The following PCDHA6 variants were observed in gnomAD, a reference collection of about 807,000 sequenced individuals.
PCDHA6 encodes protocadherin alpha-6.
In PCDHA6, 55 loss-of-function variants were observed where a neutral mutation model predicts 60.3. The ratio of observed to expected loss-of-function variants is 0.91; its 90% CI spans 0.73 to 1.14. The LOEUF (loss-of-function observed/expected upper bound fraction) is 1.14. PCDHA6 is among the 50% of genes most tolerant of loss of function. The pLI is 0.00. For synonymous variants in PCDHA6, 652 were observed against 557.9 expected (o/e 1.17, Z -2.38); for missense variants, 1,327 against 1,256.5 (o/e 1.06, Z -0.85).
In PCDHA6 at chr5:140,842,710, C is replaced by T. The variant is rs2150342683; in HGVS notation, c.2394+12225C>T. On this transcript the variant is annotated intron_variant, in intron 1 of 3. Coordinates refer to ENST00000529310, the MANE Select transcript of PCDHA6 (RefSeq NM_018909.4). ...TCGCGCAGCCCGAGTACACGGTGTT[C>T]GTGAAGGAGAACAACCCGCCGGGCT... The T allele has an allele frequency of 1.4e-5, 23 of 1,595,008 alleles. 3 individuals carry two copies. The Admixed American group carries it at 3.2e-4, about 22-fold the overall frequency.
chr5:140,882,391 C>T, intron 1 of PCDHA6: 2 of 1,614,214 alleles, frequency 1.2e-6, no homozygotes, highest in Non-Finnish European at 8.5e-7. Context: ...AAGCAAAACA[C>T]GGCACCTTCG....
At chr5:140,973,272 TC>T (rs1412629943) in intron 1 of PCDHA6, among the ~76,000 whole-genome samples, 1 of 152,134 alleles carries the variant, frequency 6.6e-6, no homozygotes, top group African/African-American at 2.4e-5. Flanking sequence ...TACTTTTATT[TC>T]CCCCAGCACT....
intron 1 of PCDHA6, chr5:140,843,920 A>G (rs1365256690): frequency 1.6e-6 from 1 of 607,552 alleles, no homozygotes; most frequent in Non-Finnish European, 2.8e-6. Context: ...GTCTATCTTG[A>G]AACTCAAGTT....
chr5:140,871,103 C>T lies in PCDHA6; in HGVS notation c.2394+40618C>T, dbSNP rs202137231. On this transcript the variant is annotated intron_variant, in intron 1 of 3. Coordinates refer to ENST00000529310, the MANE Select transcript of PCDHA6 (RefSeq NM_018909.4). Reference sequence around the variant, plus strand: ...ACGGCCACGGCCACCGTGCTGGTGTCGTTGGTGGAGAGCGGACAGGCGCCA... The same window carrying T: ...ACGGCCACGGCCACCGTGCTGGTGTTGTTGGTGGAGAGCGGACAGGCGCCA... 4 of 1,613,290 alleles carry T rather than the reference C, an allele frequency of 2.5e-6. No individual in the cohort carries two copies. The Admixed American group carries it at 5.0e-5, about 20-fold the overall frequency.
At chr5:140,967,820 C>A (rs1162525542) in intron 1 of PCDHA6, 29 of 1,614,052 alleles carry the variant, frequency 1.8e-5, no homozygotes, top group Non-Finnish European at 2.5e-5. Context: ...CTGCAAGGTG[C>A]TGGTGGACAT....
At chr5:140,869,355 G>A (rs782391359) in intron 1 of PCDHA6, 19 of 1,614,012 alleles carry the variant, frequency 1.2e-5, no homozygotes, top group Admixed American at 1.7e-5. Context: ...ATGGCATTTT[G>A]TTTGTGAATT....
Position 140,830,084 on chromosome 5 carries a change from GT to G in PCDHA6, c.1995del (p.Leu666TrpfsTer35). 1 of 1,613,714 alleles carries G rather than the reference GT, an allele frequency of 6.2e-7. No individual in the cohort carries two copies. The highest frequency in any genetic ancestry group is 8.5e-7 in the Non-Finnish European group (1 of 1,179,884). ...GEPALTATAT[V>X]LVSLVESGQA... ...GCCGGCGCTGACAGCGACGGCCACGGTTCTGGTGTCGCTGGTGGAGAGTGGC... is the reference window on the plus strand; with the variant it reads ...GCCGGCGCTGACAGCGACGGCCACGGTCTGGTGTCGCTGGTGGAGAGTGGC... On this transcript the variant is annotated frameshift_variant, in exon 1 of 4. Coordinates refer to ENST00000529310, the MANE Select transcript of PCDHA6 (RefSeq NM_018909.4). LOFTEE classifies it high-confidence loss of function.
At chr5:140,850,389 A>T in intron 1 of PCDHA6, 1 of 1,597,864 alleles carries the variant, frequency 6.3e-7, no homozygotes, top group South Asian at 1.1e-5. Context: ...GGGCGAGATC[A>T]GCACAACGCG....
At chr5:140,855,607 T>C (rs1157385251) in intron 1 of PCDHA6, among the ~76,000 whole-genome samples, 2 of 149,722 alleles carry the variant, frequency 1.3e-5, no homozygotes, top group African/African-American at 4.9e-5. Context: ...AGTATGCAAA[T>C]ATTAAGGGCA....
chr5:140,869,928 A>T, intron 1 of PCDHA6: 1 of 1,611,724 alleles, frequency 6.2e-7, no homozygotes, highest in Non-Finnish European at 8.5e-7. Flanking sequence ...GAGTCAATGG[A>T]GAGGTAACAT....
At chr5:140,854,178 A>ATT in intron 1 of PCDHA6, 1 of 531,178 alleles carries the variant, frequency 1.9e-6, no homozygotes, top group Non-Finnish European at 2.4e-6. Context: ...AAAAAAAAAG[A>ATT]GTAGTTTAAC....
chr5:140,904,901 T>C (rs782489947), intron 1 of PCDHA6, among the ~76,000 whole-genome samples: 9 of 152,224 alleles, frequency 5.9e-5, no homozygotes, highest in Non-Finnish European at 1.0e-4. Context: ...TTTGTTTTTC[T>C]TACTGATTTG....
chr5:140,843,138 G>A lies in PCDHA6; in HGVS notation c.2394+12653G>A. The stretch of plus-strand genomic sequence containing the variant: ...GACGCCGACTCGGGCTACAACGCGT[G>A]GCTTTCGTATGAGCTGCAGCCAGCT... On this transcript the variant is annotated intron_variant, in intron 1 of 3. Coordinates refer to ENST00000529310, the MANE Select transcript of PCDHA6 (RefSeq NM_018909.4). 1.3e-6 allele frequency: 2 copies of A among 1,596,034 alleles called. 1 individual carries two copies. The highest frequency in any genetic ancestry group is 1.7e-6 in the Non-Finnish European group (2 of 1,165,594).
chr5:140,828,345 T>C lies in PCDHA6; in HGVS notation c.254T>C (p.Phe85Ser). The stretch of plus-strand genomic sequence containing the variant: ...GTAAATCTGCAGAATGGCATTTTGT[T>C]TGTGAATTCTCGGATCGACCGCGAG... ...LEVNLQNGIL[F>S]VNSRIDREEL... is the part of the protein sequence containing the mutation. The change falls in exon 1 of 4, where the codon TTT becomes TCT. Residue 85 changes from phenylalanine to serine, a missense_variant. By Grantham distance (155) the Phe-to-Ser change is radical. Coordinates refer to ENST00000529310, the MANE Select transcript of PCDHA6 (RefSeq NM_018909.4). 2 of 1,614,224 alleles carry C rather than the reference T, an allele frequency of 1.2e-6. No homozygotes were observed. The highest frequency in any genetic ancestry group is 1.7e-6 in the Non-Finnish European group (2 of 1,180,036).
At chr5:140,945,142 A>G (rs2093746990) in intron 1 of PCDHA6, among the ~76,000 whole-genome samples, 1 of 152,184 alleles carries the variant, frequency 6.6e-6, no homozygotes. Context: ...AATCAATAGC[A>G]TTTCTATACA....
intron 1 of PCDHA6, among the ~76,000 whole-genome samples, chr5:140,942,619 T>TA (rs35075175): frequency 5.6e-4 from 83 of 148,996 alleles, no homozygotes; most frequent in Non-Finnish European, 6.7e-4. Flanking sequence ...TTGCCAATTG[T>TA]AAAAAAAAAA....
chr5:140,882,602 A>G lies in PCDHA6; in HGVS notation c.2394+52117A>G, dbSNP rs782347582. 1.9e-6 allele frequency: 3 copies of G among 1,614,276 alleles called. No homozygotes were observed. In the South Asian group the frequency reaches 3.3e-5, roughly 18 times the overall value. ...CATCCACCTGGAGGTGATCGTGGAC[A>G]GGCCTCTGCAGGTTTTCCATGTGGA... On this transcript the variant is annotated intron_variant, in intron 1 of 3. Coordinates refer to ENST00000529310, the MANE Select transcript of PCDHA6 (RefSeq NM_018909.4).
intron 1 of PCDHA6, chr5:140,834,444 C>G: frequency 6.2e-7 from 1 of 1,614,020 alleles, no homozygotes; most frequent in Non-Finnish European, 8.5e-7. Flanking sequence ...TATTATAATT[C>G]TAGCAGCTTG....
intron 1 of PCDHA6, among the ~76,000 whole-genome samples, chr5:140,932,800 C>A (rs1041924506): frequency 6.6e-6 from 1 of 151,684 alleles, no homozygotes; most frequent in Non-Finnish European, 1.5e-5. Context: ...AAAAGCAATA[C>A]CTTGGAAACA....
Sources: gnomAD v4.1 joint callset for allele counts (sites outside exome capture counted in the v4.1 genomes callset) on GRCh38, gnomAD v4.1.1 for gene constraint, MANE v1.5 for transcripts, NCBI Gene and HGNC (gene_info 2026-07-23, HGNC 2026-07-21) for gene names.